The following GDPGP1 variants were observed in gnomAD, a reference collection of about 807,000 sequenced individuals.
GDPGP1 encodes GDP-D-glucose phosphorylase C15orf58.
GDPGP1 carries 18 observed loss-of-function variants against 19.2 expected under a neutral mutation model. The observed-to-expected ratio is 0.94, with a 90% CI of 0.65 to 1.39. The LOEUF is 1.39. Ranked by LOEUF, GDPGP1 falls within the 40% of genes most tolerant of loss-of-function variation. GDPGP1 has a pLI of 0.00. For missense variants in GDPGP1, 449 were observed against 490.5 expected, an observed-to-expected ratio of 0.92 and a Z score of 0.80; for synonymous variants, 219 against 208.9, an observed-to-expected ratio of 1.05 and a Z score of -0.42.
intron 3 of GDPGP1, among the ~76,000 whole-genome samples, chr15:90,238,787 C>T (rs367627829): frequency 1.3e-5 from 2 of 152,280 alleles, no homozygotes; most frequent in East Asian, 1.9e-4. Context: ...AAGAAGTGGT[C>T]ATCTTTGAAA....
chr15:90,235,864 G>A (rs76743736), intron 2 of GDPGP1, among the ~76,000 whole-genome samples: 3,697 of 151,702 alleles, frequency 0.024, 144 homozygotes, highest in African/African-American at 0.081. Flanking sequence ...CACCGTGCCC[G>A]GCCGATCATT....
At position 90,242,271 on chromosome 15, in the gene GDPGP1, T is replaced by A; in HGVS notation, c.*205T>A. 1 of 327,734 alleles carries A rather than the reference T, an allele frequency of 3.1e-6. No homozygotes were observed. The highest frequency in any genetic ancestry group is 5.4e-6 in the Non-Finnish European group (1 of 186,766). 20.3% of individuals were successfully genotyped at this position (327,734 alleles called of 1,614,324 possible). ...CACCTGGCTTTTTTTTTTTTTTTTT[T>A]TTTTTTTAACGATTAGGTGATTTTG... On this transcript the variant is annotated 3_prime_UTR_variant, in exon 4 of 4. Coordinates refer to ENST00000329600, the MANE Select transcript of GDPGP1 (RefSeq NM_001013657.3).
intron 3 of GDPGP1, among the ~76,000 whole-genome samples, chr15:90,239,883 C>T (rs1463182538): frequency 1.3e-5 from 2 of 152,112 alleles, no homozygotes; most frequent in Non-Finnish European, 2.9e-5. Context: ...CATGTATGCA[C>T]CACTGCACTC....
Position 90,242,434 on chromosome 15 carries a change from T to C in GDPGP1, c.*368T>C. 3.0e-5 allele frequency: 1 copy of C among 33,350 alleles called. No individual in the cohort carries two copies. Among genetic ancestry groups the C allele is most frequent in the Non-Finnish European group, 5.2e-5 (1 of 19,354 alleles). 2.1% of individuals were successfully genotyped at this position (33,350 alleles called of 1,614,324 possible). A position where few individuals can be genotyped will look rare whatever the true frequency, so the allele number is the denominator to read the frequency against. On this transcript the variant is annotated 3_prime_UTR_variant, in exon 4 of 4. Transcript: ENST00000329600. ...GCCCCTGGATTCTTTTCTGTTTCTT[T>C]TTTTTTTTTTTTTTTTTTTTTTTTT...
chr15:90,242,047 TG>T lies in GDPGP1; in HGVS notation c.1140del (p.Met380IlefsTer47). The T allele has an allele frequency of 6.2e-7, 1 of 1,606,934 alleles. No homozygotes were observed. The highest frequency in any genetic ancestry group is 8.5e-7 in the Non-Finnish European group (1 of 1,176,806). On this transcript the variant is annotated frameshift_variant, in exon 4 of 4. Transcript: ENST00000329600. LOFTEE classifies it high-confidence loss of function. Reference protein sequence around the residue: ...EDVQAALVALMSQEEQ With the variant: ...EDVQAALVALXSQEEQ ...GTACAGGCAGCACTGGTGGCCCTGA[TG>T]TCCCAGGAAGAGCAATAATACTTCT...
intron 3 of GDPGP1, among the ~76,000 whole-genome samples, chr15:90,240,529 T>C (rs146594193): frequency 1.1e-4 from 16 of 147,514 alleles, no homozygotes; most frequent in African/African-American, 4.0e-4. Context: ...AATAAATAAA[T>C]AAGCTGTGCA....
intron 3 of GDPGP1, among the ~76,000 whole-genome samples, chr15:90,240,364 C>G (rs1207129353): frequency 6.7e-6 from 1 of 148,546 alleles, no homozygotes; most frequent in Non-Finnish European, 1.5e-5. Context: ...AAAAATTAGC[C>G]GGGCCTGGTG....
At chr15:90,235,023 A>C (rs1009639892) in intron 2 of GDPGP1, among the ~76,000 whole-genome samples, 4 of 152,182 alleles carry the variant, frequency 2.6e-5, no homozygotes, top group Non-Finnish European at 5.9e-5. Context: ...TGTTAGTCTC[A>C]GTTTATAACC....
intron 2 of GDPGP1, among the ~76,000 whole-genome samples, chr15:90,237,677 T>C (rs1038898739): frequency 3.9e-5 from 6 of 152,342 alleles, no homozygotes; most frequent in African/African-American, 1.4e-4. Flanking sequence ...TATATCTTAT[T>C]TGAAAAAATG....
In GDPGP1 at chr15:90,244,818, CAAAAT is replaced by C. The variant is rs999795589; in HGVS notation, c.*2756_*2760del. 4.6e-5 allele frequency: 7 copies of C among 152,082 alleles called. No individual in the cohort carries two copies. Among genetic ancestry groups the C allele is most frequent in the African/African-American group, 1.7e-4 (7 of 41,402 alleles). The allele number at this position is 152,082 out of a possible 1,614,324, so 9.4% of individuals were successfully genotyped here. A position where few individuals can be genotyped will look rare whatever the true frequency, so the allele number is the denominator to read the frequency against. On this transcript the variant is annotated 3_prime_UTR_variant, in exon 4 of 4. Coordinates refer to ENST00000329600, the MANE Select transcript of GDPGP1 (RefSeq NM_001013657.3). ...TGGGCGATAGTGCGAGACTCAGTCT[CAAAAT>C]AAATAAATACATAAAGTCTTGGGTC...
At chr15:90,234,935 G>A (rs1381521253) in intron 2 of GDPGP1, among the ~76,000 whole-genome samples, 1 of 152,236 alleles carries the variant, frequency 6.6e-6, no homozygotes, top group Non-Finnish European at 1.5e-5. Context: ...TGGAGGTTGT[G>A]TTGGTCAGGC....
At chr15:90,238,314 A>G (rs563127106) in intron 2 of GDPGP1, among the ~76,000 whole-genome samples, 178 bp from the exon 3 acceptor site, 1 of 152,158 alleles carries the variant, frequency 6.6e-6, no homozygotes, top group South Asian at 2.1e-4. Context: ...AAAAAAATTG[A>G]CCATCTGAAC....
In GDPGP1 at chr15:90,241,368, C is replaced by A. The variant is rs758517091; in HGVS notation, c.460C>A (p.Leu154Met). The change falls in exon 4 of 4, where the codon CTG (leucine) becomes ATG (methionine). Residue 154 changes from leucine (L) to methionine (M), a missense_variant. Coordinates refer to ENST00000329600, the MANE Select transcript of GDPGP1 (RefSeq NM_001013657.3). ...TGGGACTCTGCTGCAAGAAGACATC[C>A]TGGTGGTGATCAACGTCAGCCCCCT... ...LPGTLLQEDI[L>M]VVINVSPLEW... is the part of the protein sequence containing the mutation. 6 of 1,614,186 alleles carry A rather than the reference C, an allele frequency of 3.7e-6. No homozygotes were observed. The East Asian group carries it at 1.3e-4, about 36-fold the overall frequency.
intron 3 of GDPGP1, among the ~76,000 whole-genome samples, chr15:90,239,335 G>A (rs1274067422): frequency 6.6e-6 from 1 of 150,988 alleles, no homozygotes; most frequent in African/African-American, 2.5e-5. Context: ...GTGTGTGTGT[G>A]TGTGTATTAG....
At chr15:90,235,719 C>T (rs899214217) in intron 2 of GDPGP1, among the ~76,000 whole-genome samples, 1 of 152,038 alleles carries the variant, frequency 6.6e-6, no homozygotes. Context: ...AGGCACCCGC[C>T]ACCACACCCG....
At chr15:90,235,959 A>G (rs956678493) in intron 2 of GDPGP1, 5 of 152,228 alleles carry the variant, frequency 3.3e-5, no homozygotes, top group African/African-American at 7.2e-5. Flanking sequence ...AGAAGCTGTC[A>G]TTATGTCTCC....
intron 2 of GDPGP1, among the ~76,000 whole-genome samples, chr15:90,237,635 TA>T (rs1272122082): frequency 2.0e-5 from 3 of 152,182 alleles, no homozygotes; most frequent in Non-Finnish European, 4.4e-5. Context: ...TTAATGACGT[TA>T]AACATCCCAA....
In GDPGP1 at chr15:90,241,416, G is replaced by A; in HGVS notation, c.508G>A (p.Val170Met). ...SPLEWGHVLLVPEPARQLPQR... is the reference protein window; with the variant it reads ...SPLEWGHVLLMPEPARQLPQR... ...CCTGGAGTGGGGCCACGTGCTGCTG[G>A]TGCCTGAGCCTGCCCGCCAGCTCCC... The change falls in exon 4 of 4, where the codon GTG becomes ATG. Residue 170 changes from valine to methionine, a missense_variant. Transcript: ENST00000329600. 1 of 1,613,636 alleles carries A rather than the reference G, an allele frequency of 6.2e-7. No homozygotes were observed. Among genetic ancestry groups the A allele is most frequent in the Non-Finnish European group, 8.5e-7 (1 of 1,180,032 alleles).
chr15:90,237,709 T>C (rs1407405862), intron 2 of GDPGP1, among the ~76,000 whole-genome samples: 3 of 152,216 alleles, frequency 2.0e-5, no homozygotes, highest in Non-Finnish European at 4.4e-5. Context: ...CTCTTTTTTT[T>C]CTCCTTTTTT....
Sources: allele counts gnomAD v4.1 joint callset (sites outside exome capture counted in the v4.1 genomes callset), GRCh38; gene constraint gnomAD v4.1.1; transcripts MANE v1.5; gene names NCBI Gene and HGNC (gene_info 2026-07-23, HGNC 2026-07-21).